The following CPPED1 variants were observed in gnomAD, a reference collection of about 807,000 sequenced individuals.
CPPED1 encodes the protein calcineurin like phosphoesterase domain containing 1, also known as serine/threonine-protein phosphatase CPPED1.
Under a neutral mutation model 28.0 loss-of-function variants are expected in CPPED1, and 28 were observed. The observed-to-expected ratio is 1.00, with a 90% CI of 0.74 to 1.37. The LOEUF is 1.37. Among genes scored for constraint, CPPED1 ranks in the 40% most tolerant of loss-of-function variants. CPPED1 has a pLI of 0.00. For missense variants in CPPED1, 504 were observed against 416.5 expected (o/e 1.21, Z -1.83); for synonymous variants, 198 against 180.2 (o/e 1.10, Z -0.79).
chr16:12,677,696 A>T (rs1190072325), intron 3 of CPPED1, among the ~76,000 whole-genome samples: 1 of 152,206 alleles, frequency 6.6e-6, no homozygotes, highest in Non-Finnish European at 1.5e-5. Flanking sequence ...TCTTGTGGTA[A>T]GCATCAAAGC....
intron 3 of CPPED1, among the ~76,000 whole-genome samples, chr16:12,668,848 T>G (rs1582915): frequency 0.73 from 111,877 of 152,222 alleles, 44,924 homozygotes; most frequent in Non-Finnish European, 0.92. Context: ...TTACAGGGAT[T>G]TGGAGAAATT....
chr16:12,750,288 A>T (rs2080319081), intron 2 of CPPED1, among the ~76,000 whole-genome samples: 1 of 151,170 alleles, frequency 6.6e-6, no homozygotes, highest in South Asian at 2.1e-4. Context: ...AGCCTCTCTC[A>T]GTTTCTGACA....
In CPPED1 at chr16:12,661,192, A is replaced by T. The variant is rs2079792155; in HGVS notation, c.*3694T>A. 1 of 152,240 alleles carries T rather than the reference A, an allele frequency of 6.6e-6. No individual in the cohort carries two copies. 9.4% of individuals were successfully genotyped at this position (152,240 alleles called of 1,614,324 possible). Reference sequence around the variant, plus strand: ...ATTCTGCATTGGAATACAGACTGTAATATTAAACTACTATGTGTATATTGT... The same window carrying T: ...ATTCTGCATTGGAATACAGACTGTATTATTAAACTACTATGTGTATATTGT... On this transcript the variant is annotated 3_prime_UTR_variant, in exon 4 of 4. Coordinates refer to ENST00000381774, the MANE Select transcript of CPPED1 (RefSeq NM_018340.3).
chr16:12,673,953 AAGG>A (rs2079865451), intron 3 of CPPED1, among the ~76,000 whole-genome samples: 2 of 152,154 alleles, frequency 1.3e-5, no homozygotes, highest in African/African-American at 2.4e-5. Context: ...GGAGGCTGAG[AAGG>A]GAGGATTGCT....
chr16:12,753,372 C>G (rs899527562), intron 2 of CPPED1: 1 of 152,134 alleles, frequency 6.6e-6, no homozygotes, highest in Non-Finnish European at 1.5e-5. Flanking sequence ...TGAAATCCTA[C>G]GAAGCCATGG....
chr16:12,720,297 C>G (rs1409472249), intron 2 of CPPED1: 1 of 154,298 alleles, frequency 6.5e-6, no homozygotes, highest in Non-Finnish European at 1.5e-5. Flanking sequence ...ACAAAAGTGT[C>G]AGCTTCTCTT....
rs2079784808 is a variant in CPPED1, at chr16:12,659,988, T to C, written c.*4898A>G. On this transcript the variant is annotated 3_prime_UTR_variant, in exon 4 of 4. Transcript: ENST00000381774. ...AGAACTCACTATCACAAGAATAGCATGGGAGAAACTGCCTCCATGATCCAA... is the reference window on the plus strand; with the variant it reads ...AGAACTCACTATCACAAGAATAGCACGGGAGAAACTGCCTCCATGATCCAA... The C allele has an allele frequency of 6.6e-6, 1 of 152,176 alleles. No homozygotes were observed. Among genetic ancestry groups the C allele is most frequent in the Admixed American group, 6.5e-5 (1 of 15,276 alleles). The allele number at this position is 152,176 out of a possible 1,614,324, so 9.4% of individuals were successfully genotyped here.
chr16:12,753,384 AG>A (rs34692711), intron 2 of CPPED1: 1 of 152,200 alleles, frequency 6.6e-6, no homozygotes, highest in African/African-American at 2.4e-5. Flanking sequence ...AAGCCATGGC[AG>A]GGGTAGGTCC....
At chr16:12,791,937 A>C (rs568175455) in intron 1 of CPPED1, among the ~76,000 whole-genome samples, 6 of 152,012 alleles carry the variant, frequency 3.9e-5, no homozygotes, top group Admixed American at 3.9e-4. Flanking sequence ...AAAGGGGCCC[A>C]AAGTTCTTCC....
At chr16:12,799,717 ATGGTAGG>A (rs2080647871) in intron 1 of CPPED1, among the ~76,000 whole-genome samples, 1 of 152,204 alleles carries the variant, frequency 6.6e-6, no homozygotes, top group Non-Finnish European at 1.5e-5. Context: ...GGAAGCAGCA[ATGGTAGG>A]CTAGGGTTCA....
intron 1 of CPPED1, among the ~76,000 whole-genome samples, chr16:12,801,930 C>T (rs1220786556): frequency 6.6e-6 from 1 of 152,138 alleles, no homozygotes; most frequent in African/African-American, 2.4e-5. Context: ...AGGAGAAAAG[C>T]TGTCCTGAGA....
intron 2 of CPPED1, among the ~76,000 whole-genome samples, chr16:12,738,991 G>A (rs2141209801): frequency 6.6e-6 from 1 of 152,342 alleles, no homozygotes; most frequent in South Asian, 2.1e-4. Flanking sequence ...AGGGAGGTTA[G>A]CACCACACGG....
At chr16:12,743,051 G>A (rs2080264875) in intron 2 of CPPED1, among the ~76,000 whole-genome samples, 4 of 152,284 alleles carry the variant, frequency 2.6e-5, no homozygotes, top group South Asian at 4.1e-4. Flanking sequence ...CACTTAGGCA[G>A]CCTCTGTCCA....
At chr16:12,737,208 AT>A (rs1567290958) in intron 2 of CPPED1, among the ~76,000 whole-genome samples, 1 of 151,944 alleles carries the variant, frequency 6.6e-6, no homozygotes, top group Non-Finnish European at 1.5e-5. Flanking sequence ...AATAATAATA[AT>A]AATAAAAAAA....
chr16:12,745,603 A>G (rs2080281872), intron 2 of CPPED1, among the ~76,000 whole-genome samples: 1 of 152,234 alleles, frequency 6.6e-6, no homozygotes, highest in South Asian at 2.1e-4. Flanking sequence ...GTTCTCACTT[A>G]TAAGTGGGAA....
At chr16:12,748,067 T>C (rs2080302664) in intron 2 of CPPED1, among the ~76,000 whole-genome samples, 1 of 152,192 alleles carries the variant, frequency 6.6e-6, no homozygotes, top group Non-Finnish European at 1.5e-5. Flanking sequence ...TAAATTAACA[T>C]ACCATTTCGT....
chr16:12,686,731 G>A (rs2079935415), intron 3 of CPPED1, among the ~76,000 whole-genome samples: 1 of 152,208 alleles, frequency 6.6e-6, no homozygotes, highest in South Asian at 2.1e-4. Flanking sequence ...CCAGACGACA[G>A]ACATGAGAGG....
intron 2 of CPPED1, among the ~76,000 whole-genome samples, chr16:12,744,605 G>C (rs544346371): frequency 6.6e-5 from 10 of 152,282 alleles, no homozygotes; most frequent in South Asian, 2.1e-4. Context: ...ATGCTACAGA[G>C]AGGGGAACAC....
At chr16:12,677,697 G>A (rs981753874) in intron 3 of CPPED1, among the ~76,000 whole-genome samples, 2 of 152,222 alleles carry the variant, frequency 1.3e-5, no homozygotes, top group East Asian at 3.8e-4. Context: ...CTTGTGGTAA[G>A]CATCAAAGCA....
Sources: allele counts gnomAD v4.1 joint callset (sites outside exome capture counted in the v4.1 genomes callset), GRCh38; gene constraint gnomAD v4.1.1; transcripts MANE v1.5; gene names NCBI Gene and HGNC (gene_info 2026-07-23, HGNC 2026-07-21).